APP: variants seen among roughly 807,000 people sequenced by gnomAD.
APP encodes the protein amyloid-beta precursor protein.
APP carries 31 observed loss-of-function variants against 101.4 expected under a neutral mutation model. The ratio of observed to expected loss-of-function variants is 0.31; its 90% CI spans 0.23 to 0.41. APP has a LOEUF of 0.41. APP is among the 10% of genes least tolerant of loss of function. APP has a pLI of 1.00. For synonymous variants in APP, 366 were observed against 364.4 expected, an observed-to-expected ratio of 1.00 and a Z score of -0.05; for missense variants, 839 against 1,003.7, an observed-to-expected ratio of 0.84 and a Z score of 2.22.
At chr21:25,940,141 A>G (rs1363166450) in intron 13 of APP, among the ~76,000 whole-genome samples, 1 of 152,154 alleles carries the variant, frequency 6.6e-6, no homozygotes, top group Non-Finnish European at 1.5e-5. Flanking sequence ...TGAGCCCCCA[A>G]ATGAGAGAGA....
At chr21:25,887,173 G>A (rs955326189) in intron 17 of APP, among the ~76,000 whole-genome samples, 1 of 152,114 alleles carries the variant, frequency 6.6e-6, no homozygotes, top group Non-Finnish European at 1.5e-5. Flanking sequence ...AGCAGAAAGA[G>A]CTACAATACG....
At chr21:26,148,148 C>CAA (rs1189642192) in intron 1 of APP, among the ~76,000 whole-genome samples, 2 of 152,196 alleles carry the variant, frequency 1.3e-5, no homozygotes, top group African/African-American at 2.4e-5. Context: ...GTGGAGAAGC[C>CAA]ACAAACCCCT....
intron 17 of APP, among the ~76,000 whole-genome samples, chr21:25,890,363 A>G (rs1234468336): frequency 6.6e-6 from 1 of 152,228 alleles, no homozygotes; most frequent in Non-Finnish European, 1.5e-5. Context: ...GTCCTCTTCT[A>G]ATCAAGAATG....
chr21:25,897,523 T>C, intron 16 of APP, 50 bp downstream of exon 16: 2 of 1,364,796 alleles, frequency 1.5e-6, no homozygotes, highest in Non-Finnish European at 2.1e-6. Context: ...AGTTAATAGG[T>C]CATTTGGCAA....
At chr21:26,057,496 CA>C (rs1340597625) in intron 3 of APP, among the ~76,000 whole-genome samples, 18 of 152,002 alleles carry the variant, frequency 1.2e-4, no homozygotes, top group Admixed American at 8.5e-4. Context: ...CACACACACA[CA>C]CACCCAACTG....
At chr21:25,964,070 A>T (rs1358198646) in intron 11 of APP, among the ~76,000 whole-genome samples, 1 of 152,184 alleles carries the variant, frequency 6.6e-6, no homozygotes, top group East Asian at 1.9e-4. Flanking sequence ...ACTAATCTCT[A>T]TTAATCCACT....
At chr21:25,952,380 T>TC (rs2041127654) in intron 13 of APP, among the ~76,000 whole-genome samples, 1 of 151,224 alleles carries the variant, frequency 6.6e-6, no homozygotes, top group Non-Finnish European at 1.5e-5. Context: ...TAATGGCTGT[T>TC]TTTTTTTTTC....
intron 8 of APP, among the ~76,000 whole-genome samples, chr21:25,989,959 CA>C (rs10716141): frequency 0.3 from 45,729 of 151,194 alleles, 7,683 homozygotes; most frequent in African/African-American, 0.45. Flanking sequence ...TTCCTAATTT[CA>C]AAAATAGTTA....
chr21:26,105,295 A>T (rs1418403762), intron 2 of APP, among the ~76,000 whole-genome samples: 1 of 152,194 alleles, frequency 6.6e-6, no homozygotes, highest in African/African-American at 2.4e-5. Context: ...GTTTGAGATG[A>T]TCTGATGAAA....
chr21:26,111,479 C>T (rs1214554593), intron 2 of APP, among the ~76,000 whole-genome samples: 2 of 152,008 alleles, frequency 1.3e-5, no homozygotes, highest in African/African-American at 2.4e-5. Context: ...GGCTCATACC[C>T]GTAATCTCAG....
intron 1 of APP, among the ~76,000 whole-genome samples, chr21:26,149,291 C>T (rs971785229): frequency 6.6e-6 from 1 of 152,214 alleles, no homozygotes; most frequent in Non-Finnish European, 1.5e-5. Flanking sequence ...ACCCAGTCCA[C>T]TGGCCAGCTC....
At chr21:26,049,856 G>A (rs1279378456) in intron 5 of APP, among the ~76,000 whole-genome samples, 1 of 152,150 alleles carries the variant, frequency 6.6e-6, no homozygotes, top group African/African-American at 2.4e-5. Context: ...GAATATCAAA[G>A]CTATAAACCT....
At chr21:26,078,879 A>G (rs1386764492) in intron 3 of APP, among the ~76,000 whole-genome samples, 1 of 152,144 alleles carries the variant, frequency 6.6e-6, no homozygotes, top group Non-Finnish European at 1.5e-5. Flanking sequence ...CCCCGTCTCT[A>G]CTAAAAACAG....
At chr21:26,129,540 C>T (rs527236258) in intron 1 of APP, among the ~76,000 whole-genome samples, 35 of 152,020 alleles carry the variant, frequency 2.3e-4, no homozygotes, top group African/African-American at 7.2e-4. Context: ...GTGGTTTGTT[C>T]CAAACTAAGT....
rs143938969 is a variant in APP, at chr21:26,060,849, G to A, written c.356-7501C>T. On this transcript the variant is annotated intron_variant, in intron 3 of 17. Coordinates refer to ENST00000346798, the MANE Select transcript of APP (RefSeq NM_000484.4). The stretch of plus-strand genomic sequence containing the variant: ...GAAGAACAAGGAGATCAGTGCTGTC[G>A]TGGAGGAATGATGTGGAAGAGATCA... Among the ~76,000 whole-genome samples, 11 of 152,340 alleles carry A rather than the reference G, an allele frequency of 7.2e-5. No homozygotes were observed. The East Asian group carries it at 1.5e-3, about 21-fold the overall frequency.
At chr21:25,970,896 A>G (rs932801535) in intron 11 of APP, among the ~76,000 whole-genome samples, 5 of 152,326 alleles carry the variant, frequency 3.3e-5, no homozygotes, top group African/African-American at 1.2e-4. Flanking sequence ...AAGAAAAATC[A>G]AAATGGTGAG....
In APP at chr21:25,918,850, C is replaced by T. The variant is rs893753401; in HGVS notation, c.1688-6888G>A. 1.5e-4 allele frequency among the ~76,000 whole-genome samples: 22 copies of T among 149,068 alleles called. 1 individual carries two copies. Among genetic ancestry groups the T allele is most frequent in the Admixed American group, 8.4e-4 (12 of 14,356 alleles). Reference sequence around the variant, plus strand: ...GGCTTGCTTAGGTAAACAAAGCAGCCGGGAAGCTCGAACTGGGTGGAGCCC... The same window carrying T: ...GGCTTGCTTAGGTAAACAAAGCAGCTGGGAAGCTCGAACTGGGTGGAGCCC... On this transcript the variant is annotated intron_variant, in intron 13 of 17. Transcript: ENST00000346798.
chr21:26,114,947 G>A (rs971813250), intron 1 of APP, among the ~76,000 whole-genome samples: 1 of 152,004 alleles, frequency 6.6e-6, no homozygotes, highest in Non-Finnish European at 1.5e-5. Flanking sequence ...CTACCAAAAA[G>A]TGGTAATTTT....
chr21:26,091,723 G>T (rs1356966675), intron 2 of APP, among the ~76,000 whole-genome samples: 2 of 152,144 alleles, frequency 1.3e-5, no homozygotes, highest in African/African-American at 4.8e-5. Context: ...AGGTAGGGGG[G>T]CTTTTAGGGA....
Sources: allele counts gnomAD v4.1 joint callset (sites outside exome capture counted in the v4.1 genomes callset), GRCh38; gene constraint gnomAD v4.1.1; transcripts MANE v1.5; gene names NCBI Gene and HGNC (gene_info 2026-07-23, HGNC 2026-07-21).